The following DPP8 variants were observed in gnomAD, a reference collection of about 807,000 sequenced individuals.
The protein encoded by DPP8 is DPP VIII.
Under a neutral mutation model 107.5 loss-of-function variants are expected in DPP8, and 31 were observed. The observed-to-expected ratio is 0.29, with a 90% CI of 0.22 to 0.39. DPP8 has a LOEUF of 0.39. Ranked by LOEUF, DPP8 falls within the 10% of genes least tolerant of loss-of-function variation. The pLI, the probability that DPP8 is intolerant of heterozygous loss-of-function variation, is 1.00. For synonymous variants in DPP8, 381 were observed against 356.6 expected, an observed-to-expected ratio of 1.07 and a Z score of -0.77; for missense variants, 842 against 1,076.1, an observed-to-expected ratio of 0.78 and a Z score of 3.04.
intron 7 of DPP8, among the ~76,000 whole-genome samples, chr15:65,485,532 G>A (rs1260194331): frequency 3.3e-5 from 4 of 120,734 alleles, no homozygotes; most frequent in Non-Finnish European, 4.9e-5. Flanking sequence ...TAACAAGAGC[G>A]AGACTCCATC....
intron 15 of DPP8, among the ~76,000 whole-genome samples, chr15:65,459,898 T>A (rs2064767014): frequency 6.6e-6 from 1 of 151,796 alleles, no homozygotes; most frequent in African/African-American, 2.4e-5. Flanking sequence ...GAGGTTGCAG[T>A]GAGCCGAGAT....
chr15:65,503,700 G>C (rs1197373667), intron 3 of DPP8, among the ~76,000 whole-genome samples: 1 of 152,040 alleles, frequency 6.6e-6, no homozygotes, highest in Non-Finnish European at 1.5e-5. Context: ...TAAGCTCACT[G>C]CAACCTCTGC....
chr15:65,456,124 T>C (rs2140379514), intron 16 of DPP8, 101 bp downstream of exon 16: 2 of 1,359,158 alleles, frequency 1.5e-6, no homozygotes, highest in East Asian at 2.3e-5. Context: ...ACTCACTCAT[T>C]CATAGCCCCT....
At chr15:65,497,091 C>T (rs1265033445) in intron 5 of DPP8, among the ~76,000 whole-genome samples, 1 of 151,934 alleles carries the variant, frequency 6.6e-6, no homozygotes, top group Non-Finnish European at 1.5e-5. Context: ...GGTTTCATCA[C>T]GTTGGCCAGA....
In DPP8 at chr15:65,474,826, T is replaced by TA. The variant is rs200266161; in HGVS notation, c.1457-539dup. Among the ~76,000 whole-genome samples the TA allele has an allele frequency of 3.6e-3, 543 of 152,248 alleles. 3 individuals carry two copies. The highest frequency in any genetic ancestry group is 0.014 in the Middle Eastern group (4 of 294). On this transcript the variant is annotated intron_variant, in intron 11 of 19. Transcript: ENST00000300141. Reference sequence around the variant, plus strand: ...CACTTCAATAAAAAAAGTCTACAGTTAAAAAAAATCCAAGTTATGAGTCTT... The same window carrying TA: ...CACTTCAATAAAAAAAGTCTACAGTTAAAAAAAAATCCAAGTTATGAGTCTT...
At chr15:65,511,742 AAAT>A (rs1329855164) in intron 2 of DPP8, among the ~76,000 whole-genome samples, 9 of 244 alleles carry the variant, frequency 0.037, no homozygotes, top group Admixed American at 0.33. Flanking sequence ...ACACACAAAT[AAAT>A]AAACACATAT....
At position 65,500,919 on chromosome 15, in the gene DPP8, C is replaced by G. The variant is rs1240409819; in HGVS notation, c.373-140G>C. On this transcript the variant is annotated intron_variant, in intron 3 of 19. Coordinates refer to ENST00000300141, the MANE Select transcript of DPP8 (RefSeq NM_130434.5). Reference sequence around the variant, plus strand: ...TTGAGACAGAGTTTCACTCTGTCACCCAGGCTGGAGTGCAGTGGAGCGATC... The same window carrying G: ...TTGAGACAGAGTTTCACTCTGTCACGCAGGCTGGAGTGCAGTGGAGCGATC... The G allele has an allele frequency of 1.2e-5, 8 of 662,656 alleles. No individual in the cohort carries two copies. The South Asian group carries it at 1.5e-4, about 12-fold the overall frequency. The allele number at this position is 662,656 out of a possible 1,614,324, so 41.0% of individuals were successfully genotyped here. A position where few individuals can be genotyped will look rare whatever the true frequency, so the allele number is the denominator to read the frequency against.
chr15:65,516,048 G>A (rs2071405084), intron 1 of DPP8: 5 of 381,604 alleles, frequency 1.3e-5, no homozygotes. Flanking sequence ...TCCAGACAAA[G>A]GAAAACCATG....
chr15:65,512,318 T>A lies in DPP8; in HGVS notation c.236A>T (p.His79Leu). The change falls in exon 2 of 20, where the codon CAT becomes CTT. Residue 79 changes from histidine to leucine, a missense_variant. Transcript: ENST00000300141. ...FVKRNDPDGPHSDRIYYLAMS... is the reference protein window; with the variant it reads ...FVKRNDPDGPLSDRIYYLAMS... ...ACCAAGGTAATAGATTCTGTCTGAA[T>A]GAGGTCCATCTGGATCATTCCTCTT... 6 of 1,613,190 alleles carry A rather than the reference T, an allele frequency of 3.7e-6. No individual in the cohort carries two copies. In the South Asian group the frequency reaches 6.6e-5, roughly 18 times the overall value.
intron 15 of DPP8, among the ~76,000 whole-genome samples, chr15:65,462,915 A>T (rs185908818): frequency 1.3e-5 from 2 of 152,292 alleles, no homozygotes; most frequent in Admixed American, 1.3e-4. Context: ...CATTTACTTA[A>T]CAGTCATTGG....
chr15:65,478,472 C>T (rs1422484311), intron 11 of DPP8, among the ~76,000 whole-genome samples: 1 of 152,146 alleles, frequency 6.6e-6, no homozygotes, highest in East Asian at 1.9e-4. Flanking sequence ...GTTGGCCAGG[C>T]TGGTCTCAAA....
intron 15 of DPP8, among the ~76,000 whole-genome samples, chr15:65,462,766 G>A (rs540381174): frequency 4.6e-5 from 7 of 152,098 alleles, no homozygotes; most frequent in African/African-American, 7.2e-5. Context: ...TTTTAGTAGC[G>A]ATAGGGTTTC....
chr15:65,478,728 T>TA (rs1395776550), intron 11 of DPP8, 152 bp downstream of exon 11: 9 of 560,760 alleles, frequency 1.6e-5, no homozygotes, highest in Non-Finnish European at 1.2e-5. Flanking sequence ...TTTTTACACA[T>TA]ACATGTATTT....
At chr15:65,484,147 T>C (rs1363233801) in intron 8 of DPP8, among the ~76,000 whole-genome samples, 1 of 151,934 alleles carries the variant, frequency 6.6e-6, no homozygotes, top group Non-Finnish European at 1.5e-5. Context: ...GTCAACATAG[T>C]GAAACCCCGT....
chr15:65,477,912 TAA>T (rs542186566), intron 11 of DPP8, among the ~76,000 whole-genome samples: 71 of 152,330 alleles, frequency 4.7e-4, no homozygotes, highest in African/African-American at 1.7e-3. Flanking sequence ...TAACTTATCA[TAA>T]AGTGCTTCCT....
chr15:65,499,105 G>GTGTGTGTGTA (rs1555468189), intron 4 of DPP8, among the ~76,000 whole-genome samples: 8,477 of 138,462 alleles, frequency 0.061, 328 homozygotes, highest in Middle Eastern at 0.098. Flanking sequence ...GTGTGTGTGT[G>GTGTGTGTGTA]TATATATAAA....
At chr15:65,453,723 A>C (rs994017346) in intron 17 of DPP8, among the ~76,000 whole-genome samples, 1 of 152,136 alleles carries the variant, frequency 6.6e-6, no homozygotes, top group South Asian at 2.1e-4. Context: ...TCTCAAAACA[A>C]AACAAAACAG....
chr15:65,459,912 G>T (rs1328710463), intron 15 of DPP8, among the ~76,000 whole-genome samples: 3 of 151,798 alleles, frequency 2.0e-5, no homozygotes, highest in Non-Finnish European at 4.4e-5. Flanking sequence ...CCGAGATCGT[G>T]CCACTGCGCC....
At chr15:65,461,101 C>T (rs949512602) in intron 15 of DPP8, among the ~76,000 whole-genome samples, 1 of 152,162 alleles carries the variant, frequency 6.6e-6, no homozygotes, top group Non-Finnish European at 1.5e-5. Context: ...AGCATCTTTT[C>T]ATGTGGCTAA....
Sources: gnomAD v4.1 joint callset for allele counts (sites outside exome capture counted in the v4.1 genomes callset) on GRCh38, gnomAD v4.1.1 for gene constraint, MANE v1.5 for transcripts, NCBI Gene and HGNC (gene_info 2026-07-23, HGNC 2026-07-21) for gene names.